Variants in CAST observed in about 807,000 individuals in gnomAD.
CAST encodes the protein calpastatin, also known as MIR583 host.
CAST carries 76 observed loss-of-function variants against 119.6 expected under a neutral mutation model. That is an observed-to-expected ratio of 0.64 (90% CI 0.53 to 0.77). The LOEUF is 0.77. Among genes scored for constraint, CAST ranks in the 30% least tolerant of loss-of-function variants. CAST has a pLI of 0.00. For missense variants in CAST, 953 were observed against 946.5 expected, an observed-to-expected ratio of 1.01 and a Z score of -0.09; for synonymous variants, 319 against 331.6, an observed-to-expected ratio of 0.96 and a Z score of 0.41.
chr5:96,433,371 G>A, the CAST span: 1 of 395,874 alleles, frequency 2.5e-6, no homozygotes, highest in South Asian at 2.3e-5. Flanking sequence ...GCGGGGCGGA[G>A]AAGCGGCTAA....
the CAST span, among the ~76,000 whole-genome samples, chr5:96,363,742 C>T: frequency 0.011 from 1,602 of 152,210 alleles, 30 homozygotes; most frequent in African/African-American, 0.036. Flanking sequence ...TGGGCTAAGA[C>T]GGTGGGGTTT....
the CAST span, among the ~76,000 whole-genome samples, chr5:96,065,407 G>A: frequency 6.6e-6 from 1 of 151,194 alleles, no homozygotes; most frequent in Non-Finnish European, 1.5e-5. Flanking sequence ...TGATCTGTGT[G>A]TGTGTGTGTG....
chr5:96,506,849 A>G, the CAST span, among the ~76,000 whole-genome samples: 1 of 152,206 alleles, frequency 6.6e-6, no homozygotes, highest in African/African-American at 2.4e-5. Flanking sequence ...GCTGCAATGC[A>G]TGGGCCCATA....
chr5:96,062,151 T>A, the CAST span, among the ~76,000 whole-genome samples: 3 of 152,102 alleles, frequency 2.0e-5, no homozygotes, highest in African/African-American at 7.2e-5. Context: ...CAGCTCAGGA[T>A]TGGCATAACA....
chr5:96,314,358 C>G, the CAST span, among the ~76,000 whole-genome samples: 13 of 152,090 alleles, frequency 8.5e-5, no homozygotes, highest in African/African-American at 3.1e-4. Flanking sequence ...TTTGTTGGGC[C>G]TTGTGATCAC....
chr5:96,716,129 C>T (rs942205832), intron 3 of CAST, among the ~76,000 whole-genome samples: 6 of 152,136 alleles, frequency 3.9e-5, no homozygotes, highest in Admixed American at 3.9e-4. Flanking sequence ...TCCATCATTA[C>T]AGAAAGAAAA....
At chr5:96,702,304 A>G (rs752533290) in intron 3 of CAST, among the ~76,000 whole-genome samples, 6 of 152,274 alleles carry the variant, frequency 3.9e-5, no homozygotes, top group East Asian at 1.9e-4. Context: ...AGCAGTATAG[A>G]CTCATGAATT....
chr5:96,266,886 A>G, the CAST span, among the ~76,000 whole-genome samples: 2 of 152,352 alleles, frequency 1.3e-5, no homozygotes, highest in African/African-American at 4.8e-5. Flanking sequence ...AGAAAGCTAA[A>G]TAGCAGTTTT....
intron 1 of CAST, among the ~76,000 whole-genome samples, chr5:96,565,741 G>A (rs143036326): frequency 0.014 from 2,109 of 152,264 alleles, 24 homozygotes; most frequent in Middle Eastern, 0.075. Context: ...GGAGAAGACC[G>A]TGAGGGGAAC....
the CAST span, among the ~76,000 whole-genome samples, chr5:96,135,075 G>A: frequency 6.6e-6 from 1 of 152,176 alleles, no homozygotes; most frequent in East Asian, 1.9e-4. Flanking sequence ...GCAGCATAGT[G>A]GGAGCCTATT....
chr5:96,544,269 G>T (rs574018600), intron 1 of CAST, among the ~76,000 whole-genome samples: 1 of 152,136 alleles, frequency 6.6e-6, no homozygotes, highest in Admixed American at 6.5e-5. Flanking sequence ...TATAGATCCT[G>T]TACATATTTT....
chr5:96,647,734 A>C (rs1265364216), intron 1 of CAST, among the ~76,000 whole-genome samples: 1 of 152,184 alleles, frequency 6.6e-6, no homozygotes, highest in Non-Finnish European at 1.5e-5. Flanking sequence ...ACACTGCTAC[A>C]AGCCTGCAGG....
upstream of CAST, among the ~76,000 whole-genome samples, chr5:96,659,188 A>G (rs1748208979): frequency 6.6e-6 from 1 of 152,246 alleles, no homozygotes. Context: ...AGATATAATG[A>G]AAAAGGTTGA....
the CAST span, among the ~76,000 whole-genome samples, chr5:96,435,497 T>A: frequency 1.3e-5 from 2 of 152,226 alleles, no homozygotes; most frequent in Non-Finnish European, 2.9e-5. Flanking sequence ...GCAAGTAGAT[T>A]TAGAATCCAT....
intron 2 of CAST, among the ~76,000 whole-genome samples, chr5:96,681,243 C>T (rs1030802328): frequency 3.3e-5 from 5 of 152,096 alleles, no homozygotes; most frequent in Non-Finnish European, 7.4e-5. Context: ...ACAAGAAAGT[C>T]CATCAATACA....
the CAST span, among the ~76,000 whole-genome samples, chr5:96,496,993 A>C: frequency 6.8e-6 from 1 of 146,474 alleles, no homozygotes; most frequent in Non-Finnish European, 1.5e-5. Flanking sequence ...TATATCTCCA[A>C]ATGCTATCCC....
upstream of CAST, chr5:96,662,322 T>TGCCCG: frequency 1.8e-6 from 1 of 567,042 alleles, no homozygotes. Context: ...GGCCCTCCGC[T>TGCCCG]CCCTCCCTCC....
At chr5:96,718,479 C>A (rs73138641) in intron 3 of CAST, among the ~76,000 whole-genome samples, 3,589 of 152,042 alleles carry the variant, frequency 0.024, 151 homozygotes, top group African/African-American at 0.081. Flanking sequence ...ATCTGTCCAC[C>A]AAACCCCCAT....
At chr5:96,261,880 G>A in the CAST span, among the ~76,000 whole-genome samples, 1 of 152,298 alleles carries the variant, frequency 6.6e-6, no homozygotes, top group South Asian at 2.1e-4. Context: ...ACGAATATTT[G>A]TTATGCACCT....
Sources: gnomAD v4.1 joint callset for allele counts (sites outside exome capture counted in the v4.1 genomes callset) on GRCh38, gnomAD v4.1.1 for gene constraint, MANE v1.5 for transcripts, NCBI Gene and HGNC (gene_info 2026-07-23, HGNC 2026-07-21) for gene names.